The following DSCAML1 variants were observed in gnomAD, a reference collection of about 807,000 sequenced individuals.
DSCAML1 encodes DS cell adhesion molecule like 1, also known as cell adhesion molecule DSCAML1.
In DSCAML1, 38 loss-of-function variants were observed where a neutral mutation model predicts 200.5. The ratio of observed to expected loss-of-function variants is 0.19; its 90% CI spans 0.15 to 0.25. The LOEUF (loss-of-function observed/expected upper bound fraction) is 0.25. Among genes scored for constraint, DSCAML1 ranks in the 10% least tolerant of loss-of-function variants. The pLI, the probability that DSCAML1 is intolerant of heterozygous loss-of-function variation, is 1.00. For synonymous variants in DSCAML1, 1,215 were observed against 1,165.0 expected (o/e 1.04, Z -0.87); for missense variants, 2,223 against 2,858.8 (o/e 0.78, Z 5.07).
chr11:117,662,720 T>C (rs987432046), intron 3 of DSCAML1, among the ~76,000 whole-genome samples: 1 of 152,188 alleles, frequency 6.6e-6, no homozygotes, highest in African/African-American at 2.4e-5. Context: ...CAGCAAATCC[T>C]TTCAAACCGA....
At chr11:117,797,926 C>T (rs1435559571), upstream of DSCAML1, among the ~76,000 whole-genome samples, 1 of 152,194 alleles carries the variant, frequency 6.6e-6, no homozygotes, top group Non-Finnish European at 1.5e-5. Flanking sequence ...TTATTCCTTA[C>T]ACTCATCTTT....
At chr11:117,618,202 C>A (rs2051852280) in intron 3 of DSCAML1, among the ~76,000 whole-genome samples, 1 of 152,230 alleles carries the variant, frequency 6.6e-6, no homozygotes, top group South Asian at 2.1e-4. Flanking sequence ...GGCCTAACCT[C>A]ATTCAATGGT....
At chr11:117,472,079 C>T (rs1316276084) in intron 14 of DSCAML1, 43 bp from the exon 15 acceptor site, 9 of 1,606,234 alleles carry the variant, frequency 5.6e-6, no homozygotes, top group Non-Finnish European at 7.7e-6. Context: ...CAGGCAAACT[C>T]CAGGACCCCT....
chr11:117,609,035 C>CAAAAAA (rs58446545), intron 3 of DSCAML1, among the ~76,000 whole-genome samples: 2 of 110,862 alleles, frequency 1.8e-5, no homozygotes, highest in African/African-American at 7.3e-5. Flanking sequence ...AACAAACAAA[C>CAAAAAA]AAAAAAAACA....
chr11:117,716,085 G>T (rs1486838107), intron 3 of DSCAML1, among the ~76,000 whole-genome samples: 1 of 152,258 alleles, frequency 6.6e-6, no homozygotes, highest in African/African-American at 2.4e-5. Flanking sequence ...GACGCCTGTT[G>T]GTTGTGTCCT....
rs1367224974 is a variant in DSCAML1, at chr11:117,505,492, G to A, written c.2024C>T (p.Ala675Val). Residue 675 changes from alanine to valine, a missense_variant, in exon 9 of 33, where the codon GCC becomes GTC. By Grantham distance (64) the Ala-to-Val change is moderately conservative. Transcript: ENST00000651296. This position sits in a 1 kb window ranked among gnomAD's most constrained non-coding sequence, Gnocchi z 6.7. ...CTGGCGCTCCCGGCTCACGGTGGCG[G>A]CTGCGTTGCTGGCGATGCATGTATA... The part of the protein sequence containing the change: ...GNYTCIASNA[A>V]ATVSRERQLI... The A allele has an allele frequency of 1.9e-6, 3 of 1,612,604 alleles. No individual in the cohort carries two copies. The highest frequency in any genetic ancestry group is 4.5e-5 in the East Asian group (2 of 44,860).
intron 6 of DSCAML1, among the ~76,000 whole-genome samples, chr11:117,519,326 G>T (rs2049844223): frequency 6.6e-6 from 1 of 152,188 alleles, no homozygotes; most frequent in African/African-American, 2.4e-5. Flanking sequence ...AAGGCCTTAA[G>T]TCTGAGGCTG....
At position 117,505,424 on chromosome 11, in the gene DSCAML1, C is replaced by G; in HGVS notation, c.2062+30G>C. On this transcript the variant is annotated intron_variant, in intron 9 of 32. Transcript: ENST00000651296. This position sits in a 1 kb window ranked among gnomAD's most constrained non-coding sequence, Gnocchi z 6.7. ...AGCAGCAGGCAGAATGGGCTCCTCCCTCCCCTGAGGCTGGCCTGTCCCTGC... is the reference window on the plus strand; with the variant it reads ...AGCAGCAGGCAGAATGGGCTCCTCCGTCCCCTGAGGCTGGCCTGTCCCTGC... 1.3e-6 allele frequency: 2 copies of G among 1,597,328 alleles called. No individual in the cohort carries two copies. The highest frequency in any genetic ancestry group is 8.5e-7 in the Non-Finnish European group (1 of 1,174,426).
At chr11:117,698,497 T>C (rs1456284172) in intron 3 of DSCAML1, among the ~76,000 whole-genome samples, 2 of 152,218 alleles carry the variant, frequency 1.3e-5, no homozygotes, top group Admixed American at 6.5e-5. Context: ...TTTTCCAGAA[T>C]GGCTACACAA....
At chr11:117,533,400 C>T (rs539266264) in intron 3 of DSCAML1, among the ~76,000 whole-genome samples, 1 of 152,320 alleles carries the variant, frequency 6.6e-6, no homozygotes, top group East Asian at 1.9e-4. Flanking sequence ...TGTCCTTCTG[C>T]ATGGAATTAT....
chr11:117,733,265 C>T (rs1489551250), intron 3 of DSCAML1, among the ~76,000 whole-genome samples: 2 of 152,202 alleles, frequency 1.3e-5, no homozygotes, highest in African/African-American at 4.8e-5. Context: ...CTGTGCAGTG[C>T]TTAGCACGTA....
chr11:117,561,476 CT>C (rs2050661946), intron 3 of DSCAML1, among the ~76,000 whole-genome samples: 1 of 152,224 alleles, frequency 6.6e-6, no homozygotes. Context: ...TCTGCACATG[CT>C]ACAGTTCTGT....
intron 1 of DSCAML1, among the ~76,000 whole-genome samples, chr11:117,803,853 G>T (rs1173639259): frequency 6.6e-6 from 1 of 152,226 alleles, no homozygotes; most frequent in Admixed American, 6.5e-5. Flanking sequence ...TGACTTAGAT[G>T]ATGAAAGTTC....
intron 8 of DSCAML1, among the ~76,000 whole-genome samples, chr11:117,512,761 TCACACACACACACACACACACACACA>T (rs71037482): frequency 3.5e-5 from 4 of 113,090 alleles, no homozygotes. Flanking sequence ...TCCTCTAGGA[TCACACACACACACACACACACACACA>T]CACACACACA....
rs188482228 is a variant in DSCAML1, at chr11:117,473,980, C to G, written c.2786-1944G>C. Among the ~76,000 whole-genome samples, 540 of 152,106 alleles carry G rather than the reference C, an allele frequency of 3.6e-3. 1 individual carries two copies. Among genetic ancestry groups the G allele is most frequent in the Non-Finnish European group, 5.1e-3 (346 of 67,988 alleles). On this transcript the variant is annotated intron_variant, in intron 14 of 32. Coordinates refer to ENST00000651296, the MANE Select transcript of DSCAML1 (RefSeq NM_020693.4). ...CAGCTCATAAGTCACATCTGATGTG[C>G]CCATGTTTATAGGAGAGGGAGAGGG...
chr11:117,513,601 C>A (rs1017944979), intron 8 of DSCAML1, among the ~76,000 whole-genome samples: 1 of 151,926 alleles, frequency 6.6e-6, no homozygotes, highest in African/African-American at 2.4e-5. Flanking sequence ...ATTAGCTGGG[C>A]GTGGTGGCGT....
rs575392221 is a variant in DSCAML1, at chr11:117,603,929, C to T, written c.512-71407G>A. On this transcript the variant is annotated intron_variant, in intron 3 of 32. Coordinates refer to ENST00000651296, the MANE Select transcript of DSCAML1 (RefSeq NM_020693.4). ...GGGCCAGATATCTTATTTGTAATCG[C>T]TAAAATGACACCTCAAGGAAGGCAT... Among the ~76,000 whole-genome samples the T allele has an allele frequency of 2.6e-5, 4 of 152,376 alleles. No individual in the cohort carries two copies. In the South Asian group the frequency reaches 6.2e-4, roughly 24 times the overall value.
intron 3 of DSCAML1, among the ~76,000 whole-genome samples, chr11:117,673,660 G>A (rs560258977): frequency 1.3e-5 from 2 of 152,318 alleles, no homozygotes; most frequent in East Asian, 3.9e-4. Flanking sequence ...CCTGCTGCCT[G>A]GAAGTCCGAT....
chr11:117,797,359 C>G, upstream of DSCAML1: 1 of 1,098,154 alleles, frequency 9.1e-7, no homozygotes, highest in Admixed American at 4.3e-5. Context: ...CCCAGCCCCA[C>G]AAGCCCAGGA....
Sources: allele counts gnomAD v4.1 joint callset (sites outside exome capture counted in the v4.1 genomes callset), GRCh38; gene constraint gnomAD v4.1.1; non-coding constraint Gnocchi (gnomAD v3.1); transcripts MANE v1.5; gene names NCBI Gene and HGNC (gene_info 2026-07-23, HGNC 2026-07-21).